Variants in SMARCA4 observed in about 807,000 individuals in gnomAD.
SMARCA4 encodes the protein SWI/SNF related BAF chromatin remodeling complex subunit ATPase 4, also known as SWI/SNF-related matrix-associated actin-dependent regulator of chromatin subfamily A member 4.
SMARCA4 carries 31 observed loss-of-function variants against 193.9 expected under a neutral mutation model. The ratio of observed to expected loss-of-function variants is 0.16; its 90% CI spans 0.12 to 0.22. SMARCA4 has a LOEUF of 0.22. Ranked by LOEUF, SMARCA4 falls within the 10% of genes least tolerant of loss-of-function variation. SMARCA4 has a pLI of 1.00. For synonymous variants in SMARCA4, 942 were observed against 933.1 expected (o/e 1.01, Z -0.17); for missense variants, 1,148 against 2,296.0 (o/e 0.50, Z 10.22).
chr19:11,037,073 A>G (rs2075308806), intron 29 of SMARCA4, among the ~76,000 whole-genome samples: 1 of 152,252 alleles, frequency 6.6e-6, no homozygotes, highest in African/African-American at 2.4e-5. Context: ...GGGCTATTAC[A>G]AACAATACTA....
chr19:11,027,722 C>T (rs2146538224), intron 23 of SMARCA4, 62 bp from the exon 24 acceptor site: 4 of 1,594,896 alleles, frequency 2.5e-6, no homozygotes, highest in Non-Finnish European at 3.4e-6. Context: ...CCTGCCTTAC[C>T]TGCCTGCAGG....
chr19:11,008,081 G>T lies in SMARCA4; in HGVS notation c.2123+58G>T, dbSNP rs1265170020. On this transcript the variant is annotated intron_variant, in intron 14 of 34. Transcript: ENST00000344626. ...AGCTTCCTGTGAGGTGGCGCTGGTG[G>T]GAGTGGCTAGAATCCCAGCCATCCC... The T allele has an allele frequency of 2.7e-5, 43 of 1,576,396 alleles. No individual in the cohort carries two copies. In the Admixed American group the frequency reaches 7.3e-4, roughly 27 times the overall value.
Position 11,060,124 on chromosome 19 carries a change from G to A in SMARCA4, c.4848G>A (p.Pro1616=), listed in dbSNP as rs370590601. ...QDRLKGGRRR[P]SRGSRAKPVV... is the part of the protein sequence containing the mutation. ...GGCTGAAGGGCGGCCGGCGGCGGCC[G>A]AGCCGAGGGTCCCGAGCCAAGCCGG... is the stretch of plus-strand genomic sequence containing the variant. Residue 1616 remains proline (P), a synonymous_variant, in exon 34 of 35, where the codon CCG becomes CCA. Coordinates refer to ENST00000344626, the MANE Select transcript of SMARCA4 (RefSeq NM_003072.5). 59 of 1,550,958 alleles carry A rather than the reference G, an allele frequency of 3.8e-5. No homozygotes were observed. In the Middle Eastern group the frequency reaches 5.0e-4, roughly 13 times the overall value.
At chr19:11,044,942 G>A (rs950021820) in intron 30 of SMARCA4, among the ~76,000 whole-genome samples, 2 of 152,230 alleles carry the variant, frequency 1.3e-5, no homozygotes, top group Non-Finnish European at 2.9e-5. Flanking sequence ...AATCGTACAG[G>A]GCCCCAAACA....
rs2084607953 is a variant in SMARCA4 at position 10,970,804 on chromosome 19, CA to C, written c.-32+9631del. Among the ~76,000 whole-genome samples, 3 of 152,174 alleles carry C rather than the reference CA, an allele frequency of 2.0e-5. No homozygotes were observed. In the South Asian group the frequency reaches 6.3e-4, roughly 32 times the overall value. On this transcript the variant is annotated intron_variant, in intron 1 of 34. Transcript: ENST00000344626. The stretch of plus-strand genomic sequence containing the variant: ...CTTGGAGAATTACTTGGAAAAGACC[CA>C]CGCATCTGGTCACAGAATTGTTCTC...
In SMARCA4 at chr19:10,991,356, C is replaced by T. The variant is rs371014402; in HGVS notation, c.1419+33C>T. On this transcript the variant is annotated intron_variant, in intron 8 of 34. Coordinates refer to ENST00000344626, the MANE Select transcript of SMARCA4 (RefSeq NM_003072.5). Reference sequence around the variant, plus strand: ...CCGGTGGCCCCAAGGCCCTGCAGCCCGCCCACCTGGCTGCCTGGCTTGTCC... The same window carrying T: ...CCGGTGGCCCCAAGGCCCTGCAGCCTGCCCACCTGGCTGCCTGGCTTGTCC... The T allele has an allele frequency of 7.1e-5, 111 of 1,562,192 alleles. 1 individual carries two copies. Among genetic ancestry groups the T allele is most frequent in the South Asian group, 4.0e-4 (34 of 85,256 alleles).
intron 33 of SMARCA4, 34 bp from the exon 34 acceptor site, chr19:11,060,011 C>A (rs1359590431): frequency 1.3e-6 from 2 of 1,599,242 alleles, no homozygotes; most frequent in East Asian, 2.3e-5. Flanking sequence ...ATTCCCAGAG[C>A]TCAAGGCTGT....
chr19:11,038,394 G>C (rs2075385136), intron 29 of SMARCA4, among the ~76,000 whole-genome samples: 1 of 152,116 alleles, frequency 6.6e-6, no homozygotes, highest in Non-Finnish European at 1.5e-5. Flanking sequence ...ATGAGTCTGG[G>C]GGGCACCCGC....
intron 1 of SMARCA4, among the ~76,000 whole-genome samples, chr19:10,968,874 G>C (rs2084449502): frequency 6.6e-6 from 1 of 152,190 alleles, no homozygotes; most frequent in African/African-American, 2.4e-5. Flanking sequence ...GATCAAATGT[G>C]ATTCTGGCAC....
At position 11,062,175 on chromosome 19, in the gene SMARCA4, A is replaced by G. The variant is rs1201567771; in HGVS notation, c.*359A>G. 7 of 406,664 alleles carry G rather than the reference A, an allele frequency of 1.7e-5. No homozygotes were observed. Among genetic ancestry groups the G allele is most frequent in the African/African-American group, 1.4e-4 (7 of 50,394 alleles). The allele number at this position is 406,664 out of a possible 1,614,324, so 25.2% of individuals were successfully genotyped here. On this transcript the variant is annotated 3_prime_UTR_variant, in exon 35 of 35. Transcript: ENST00000344626. ...ATGTGCGTCACCGTCCACTCCTCCT[A>G]CTGTATTTTATTGGACAGGTCAGAC...
rs1044105495 is a variant in SMARCA4 at position 10,987,989 on chromosome 19, A to G, written c.1118+65A>G. The G allele has an allele frequency of 1.3e-6, 2 of 1,556,076 alleles. No individual in the cohort carries two copies. Among genetic ancestry groups the G allele is most frequent in the Non-Finnish European group, 1.8e-6 (2 of 1,137,206 alleles). Reference sequence around the variant, plus strand: ...TCCCCCATGTCCCCCTGGGGAAGCCACTCAACTTTCTCCCCCACTCTAGCA... The same window carrying G: ...TCCCCCATGTCCCCCTGGGGAAGCCGCTCAACTTTCTCCCCCACTCTAGCA... On this transcript the variant is annotated intron_variant, in intron 6 of 34. Transcript: ENST00000344626. The surrounding 1 kb of genome is among the most constrained non-coding windows in gnomAD (Gnocchi z 5.3).
rs1430905073 is a variant in SMARCA4, at chr19:11,026,796, G to A, written c.3215+450G>A. The stretch of plus-strand genomic sequence containing the variant: ...TTACAGGTGTGAGCCACCGCGCCCG[G>A]CCCCATTATACAAATCTTTAGTGCT... On this transcript the variant is annotated intron_variant, in intron 23 of 34. Transcript: ENST00000344626. Among the ~76,000 whole-genome samples, 3 of 152,128 alleles carry A rather than the reference G, an allele frequency of 2.0e-5. No homozygotes were observed. In the South Asian group the frequency reaches 6.2e-4, roughly 32 times the overall value.
At chr19:11,052,020 A>G (rs948481457) in intron 30 of SMARCA4, among the ~76,000 whole-genome samples, 1 of 152,080 alleles carries the variant, frequency 6.6e-6, no homozygotes, top group East Asian at 1.9e-4. Context: ...GCTTGAACCC[A>G]GGAGGCAGAG....
chr19:11,042,769 T>C (rs1236293742), intron 30 of SMARCA4, among the ~76,000 whole-genome samples: 1 of 152,178 alleles, frequency 6.6e-6, no homozygotes, highest in African/African-American at 2.4e-5. Context: ...GGAGGATCAC[T>C]TGAGGTCAGG....
intron 11 of SMARCA4, 22 bp from the exon 12 acceptor site, chr19:11,003,007 C>T (rs1370728018): frequency 1.2e-6 from 2 of 1,613,672 alleles, no homozygotes; most frequent in African/African-American, 2.7e-5. Flanking sequence ...ACCTCAGTGT[C>T]ACACGAATGA....
At chr19:10,966,450 A>G (rs955858360) in intron 1 of SMARCA4, among the ~76,000 whole-genome samples, 1 of 151,148 alleles carries the variant, frequency 6.6e-6, no homozygotes, top group Admixed American at 6.6e-5. Context: ...AAATTAGCCA[A>G]GCATGGTGTT....
intron 13 of SMARCA4, among the ~76,000 whole-genome samples, chr19:11,005,342 A>T (rs2088093346): frequency 6.6e-6 from 1 of 152,036 alleles, no homozygotes; most frequent in African/African-American, 2.4e-5. Flanking sequence ...TTTTGGTTTT[A>T]TCTTATTCGT....
chr19:10,977,600 A>C (rs1472642348), intron 1 of SMARCA4: 1 of 152,228 alleles, frequency 6.6e-6, no homozygotes, highest in Non-Finnish European at 1.5e-5. Flanking sequence ...CTGGGATTAC[A>C]GGCATGGGCC....
rs976004456 is a variant in SMARCA4 at position 11,024,562 on chromosome 19, GCCAGCC to G, written c.3081+126_3081+131del. The G allele has an allele frequency of 9.7e-6, 7 of 718,232 alleles. No homozygotes were observed. In the African/African-American group the frequency reaches 1.2e-4, roughly 12 times the overall value. The allele number at this position is 718,232 out of a possible 1,614,324, so 44.5% of individuals were successfully genotyped here. Reference sequence around the variant, plus strand: ...CTGGTCATGATCCCCAGGGCATCTGGCCAGCCCTGGTTATGATGGCTGGTGGCTTGT... The same window carrying G: ...CTGGTCATGATCCCCAGGGCATCTGGCTGGTTATGATGGCTGGTGGCTTGT... On this transcript the variant is annotated intron_variant, in intron 21 of 34. Transcript: ENST00000344626.
Sources: allele counts gnomAD v4.1 joint callset (sites outside exome capture counted in the v4.1 genomes callset), GRCh38; gene constraint gnomAD v4.1.1; non-coding constraint Gnocchi (gnomAD v3.1); transcripts MANE v1.5; gene names NCBI Gene and HGNC (gene_info 2026-07-23, HGNC 2026-07-21).